Variants in MYO3A observed in about 807,000 individuals in gnomAD.
The protein encoded by MYO3A is myosin IIIA.
A neutral mutation model predicts 192.7 loss-of-function variants in MYO3A; 180 were observed. The observed-to-expected ratio is 0.93, with a 90% CI of 0.83 to 1.06. The LOEUF (loss-of-function observed/expected upper bound fraction) is 1.06, where lower values mean the gene tolerates loss of function less well. Among genes scored for constraint, MYO3A ranks in the 50% least tolerant of loss-of-function variants. The pLI, the probability that MYO3A is intolerant of heterozygous loss-of-function variation, is 0.00. For synonymous variants in MYO3A, 628 were observed against 645.3 expected (o/e 0.97, Z 0.41); for missense variants, 1,896 against 1,905.0 (o/e 1.00, Z 0.09).
At chr10:26,207,914 A>G (rs571982933) in intron 34 of MYO3A, among the ~76,000 whole-genome samples, 4 of 152,224 alleles carry the variant, frequency 2.6e-5, no homozygotes, top group Admixed American at 6.5e-5. Context: ...AACACGGAAT[A>G]TCTTTCCATT....
chr10:26,010,903 A>G (rs1014087637), intron 6 of MYO3A, among the ~76,000 whole-genome samples: 1 of 152,240 alleles, frequency 6.6e-6, no homozygotes, highest in Non-Finnish European at 1.5e-5. Flanking sequence ...TCCATTTGCT[A>G]GAGATTTACA....
Position 26,021,668 on chromosome 10 carries a change from G to A in MYO3A, c.731+20G>A, listed in dbSNP as rs56210104. 0.083 allele frequency: 133,495 copies of A among 1,613,526 alleles called. 6,186 individuals carry two copies. Among genetic ancestry groups the A allele is most frequent in the Non-Finnish European group, 0.095 (112,283 of 1,179,526 alleles). On this transcript the variant is annotated intron_variant, in intron 8 of 34. Transcript: ENST00000642920. Reference sequence around the variant, plus strand: ...ACCAAGGTCAGATGACTAACATTGGGTCCAGTATCTGCAGCCCGATTTACT... The same window carrying A: ...ACCAAGGTCAGATGACTAACATTGGATCCAGTATCTGCAGCCCGATTTACT...
chr10:26,173,579 GGTATC>G (rs1842161197), intron 29 of MYO3A, 79 bp from the exon 30 acceptor site: 1 of 1,268,506 alleles, frequency 7.9e-7, no homozygotes, highest in Non-Finnish European at 1.1e-6. Context: ...TTCTCCCACC[GGTATC>G]TAGCATATAA....
intron 10 of MYO3A, 69 bp downstream of exon 10, chr10:26,026,601 A>G (rs1369406098): frequency 6.3e-7 from 1 of 1,575,018 alleles, no homozygotes; most frequent in African/African-American, 1.4e-5. Flanking sequence ...TTAACAATGT[A>G]TTAGTTTTTA....
At chr10:25,998,835 T>C (rs563270584) in intron 6 of MYO3A, among the ~76,000 whole-genome samples, 35 of 152,310 alleles carry the variant, frequency 2.3e-4, no homozygotes, top group African/African-American at 8.4e-4. Context: ...TCCTCCAAAA[T>C]AAACTAGATT....
intron 10 of MYO3A, among the ~76,000 whole-genome samples, chr10:26,049,921 A>G (rs904464176): frequency 1.3e-5 from 2 of 151,670 alleles, no homozygotes; most frequent in African/African-American, 4.8e-5. Context: ...TGATCCACCC[A>G]CCTCAGCCTC....
intron 2 of MYO3A, among the ~76,000 whole-genome samples, chr10:25,949,803 A>G (rs1347468763): frequency 6.6e-6 from 1 of 151,896 alleles, no homozygotes; most frequent in Non-Finnish European, 1.5e-5. Flanking sequence ...TTTTCGAAGA[A>G]CCCTATTCAT....
At chr10:26,144,008 A>G (rs1490134736) in intron 21 of MYO3A, among the ~76,000 whole-genome samples, 1 of 152,208 alleles carries the variant, frequency 6.6e-6, no homozygotes, top group Non-Finnish European at 1.5e-5. Flanking sequence ...TTTATTTAAT[A>G]TAGGCAAATC....
chr10:25,982,241 C>G (rs1839378439), intron 4 of MYO3A, among the ~76,000 whole-genome samples: 1 of 152,094 alleles, frequency 6.6e-6, no homozygotes, highest in African/African-American at 2.4e-5. Flanking sequence ...CACAGCGAGC[C>G]CCACCCAAGG....
chr10:26,167,313 C>G (rs1382324440), intron 27 of MYO3A, among the ~76,000 whole-genome samples: 1 of 151,858 alleles, frequency 6.6e-6, no homozygotes, highest in Non-Finnish European at 1.5e-5. Flanking sequence ...AAAAAAGCCA[C>G]CTTAAACTGA....
chr10:26,067,251 C>T (rs1481967901), intron 11 of MYO3A, among the ~76,000 whole-genome samples, 177 bp downstream of exon 11: 2 of 152,340 alleles, frequency 1.3e-5, no homozygotes, highest in East Asian at 3.9e-4. Flanking sequence ...TGTCTCTTAG[C>T]TTCCTATTAT....
intron 10 of MYO3A, among the ~76,000 whole-genome samples, chr10:26,031,167 A>G (rs1323044646): frequency 6.6e-6 from 1 of 152,252 alleles, no homozygotes; most frequent in Non-Finnish European, 1.5e-5. Flanking sequence ...ATTCTTGAGT[A>G]AAACAATACA....
At chr10:25,947,588 T>C (rs1836939425) in intron 2 of MYO3A, among the ~76,000 whole-genome samples, 1 of 152,016 alleles carries the variant, frequency 6.6e-6, no homozygotes, top group Non-Finnish European at 1.5e-5. Flanking sequence ...AGACAGGGTT[T>C]CTCCATGTTG....
chr10:26,093,141 ATTG>A (rs1388586112), intron 15 of MYO3A, among the ~76,000 whole-genome samples: 2 of 152,188 alleles, frequency 1.3e-5, no homozygotes, highest in African/African-American at 2.4e-5. Flanking sequence ...TGTGATCATG[ATTG>A]TTAACACTTA....
chr10:25,954,993 G>A lies in MYO3A; in HGVS notation c.288G>A (p.Leu96=), dbSNP rs760525102. The change falls in exon 4 of 35, where the codon CTG becomes CTA. Residue 96 remains leucine (L), a synonymous_variant. Coordinates refer to ENST00000642920, the MANE Select transcript of MYO3A (RefSeq NM_017433.5). ...FKKDKVNGDK[L]WLVLELCSGG... The stretch of plus-strand genomic sequence containing the variant: ...AGGATAAAGTAAATGGAGACAAGCT[G>A]TGGTTGGTTCTTGAGGTAAGTGTGT... The A allele has an allele frequency of 2.5e-6, 4 of 1,613,004 alleles. No homozygotes were observed. The highest frequency in any genetic ancestry group is 2.5e-6 in the Non-Finnish European group (3 of 1,179,234).
intron 17 of MYO3A, among the ~76,000 whole-genome samples, chr10:26,113,476 C>CAAAAAAAAA (rs5783961): frequency 7.2e-6 from 1 of 138,188 alleles, no homozygotes. Flanking sequence ...CTCAAAAAAA[C>CAAAAAAAAA]AAAAAAAAAA....
chr10:26,122,968 A>G (rs1009566273), intron 18 of MYO3A, among the ~76,000 whole-genome samples: 3 of 152,226 alleles, frequency 2.0e-5, no homozygotes, highest in African/African-American at 7.2e-5. Flanking sequence ...AAAGTATATT[A>G]CCAAAAATGG....
At chr10:25,980,108 G>T (rs1204947939) in intron 4 of MYO3A, among the ~76,000 whole-genome samples, 1 of 151,970 alleles carries the variant, frequency 6.6e-6, no homozygotes, top group Non-Finnish European at 1.5e-5. Flanking sequence ...GTGGTGGCAG[G>T]CGCCTGTAGT....
intron 14 of MYO3A, among the ~76,000 whole-genome samples, chr10:26,085,239 C>T (rs1836235723): frequency 6.6e-6 from 1 of 151,462 alleles, no homozygotes; most frequent in Non-Finnish European, 1.5e-5. Context: ...TTTTTCCTTT[C>T]TCTATTTGAT....
Sources: allele counts gnomAD v4.1 joint callset (sites outside exome capture counted in the v4.1 genomes callset), GRCh38; gene constraint gnomAD v4.1.1; transcripts MANE v1.5; gene names NCBI Gene and HGNC (gene_info 2026-07-23, HGNC 2026-07-21).